Variants in ARSG observed in about 807,000 individuals in gnomAD.
The protein encoded by ARSG is ASG.
A neutral mutation model predicts 50.5 loss-of-function variants in ARSG; 37 were observed. The ratio of observed to expected loss-of-function variants is 0.73; its 90% CI spans 0.56 to 0.96. The LOEUF is 0.96. Among genes scored for constraint, ARSG ranks in the 50% least tolerant of loss-of-function variants. The probability of loss-of-function intolerance (pLI) is 0.00; values close to 1 mark genes in which losing one functional copy is unlikely to be tolerated. For missense variants in ARSG, 629 were observed against 675.3 expected, an observed-to-expected ratio of 0.93 and a Z score of 0.76; for synonymous variants, 225 against 254.6, an observed-to-expected ratio of 0.88 and a Z score of 1.11.
intron 2 of ARSG, among the ~76,000 whole-genome samples, chr17:68,312,709 C>G (rs2076913453): frequency 6.6e-6 from 1 of 152,114 alleles, no homozygotes; most frequent in Non-Finnish European, 1.5e-5. Flanking sequence ...GCTTTTCATT[C>G]TTCTTTGTTG....
At chr17:68,272,731 G>A in intron 1 of ARSG, 3 of 1,614,144 alleles carry the variant, frequency 1.9e-6, no homozygotes, top group East Asian at 4.5e-5. Flanking sequence ...TGATAGGATG[G>A]TTACAGTTGG....
chr17:68,417,924 G>A (rs1403297158), intron 11 of ARSG, among the ~76,000 whole-genome samples: 1 of 151,560 alleles, frequency 6.6e-6, no homozygotes, highest in East Asian at 1.9e-4. Context: ...TAGAGACGGG[G>A]TTTTACCATG....
intron 6 of ARSG, among the ~76,000 whole-genome samples, chr17:68,363,569 G>A (rs2079397627): frequency 6.6e-6 from 1 of 152,138 alleles, no homozygotes; most frequent in Non-Finnish European, 1.5e-5. Context: ...CCAGGTTCAA[G>A]CAATTCTCCT....
At chr17:68,304,979 G>A (rs1307776757) in intron 1 of ARSG, among the ~76,000 whole-genome samples, 2 of 152,126 alleles carry the variant, frequency 1.3e-5, no homozygotes, top group Admixed American at 1.3e-4. Flanking sequence ...TTCCAGACTG[G>A]CCTGGGCAAT....
At chr17:68,264,076 T>TC (rs759522470) in intron 1 of ARSG, among the ~76,000 whole-genome samples, 168 of 152,292 alleles carry the variant, frequency 1.1e-3, no homozygotes, top group Non-Finnish European at 1.9e-3. Flanking sequence ...TAGGCTGGTC[T>TC]CGAACTCCTG....
chr17:68,371,869 C>T (rs571852760), intron 8 of ARSG, among the ~76,000 whole-genome samples: 78 of 152,122 alleles, frequency 5.1e-4, no homozygotes, highest in African/African-American at 2.2e-4. Context: ...ATGAATAAAG[C>T]AGGTTCCAGT....
chr17:68,430,159 G>A, the ARSG span: 3 of 1,611,740 alleles, frequency 1.9e-6, no homozygotes, highest in Non-Finnish European at 1.7e-6. Context: ...TCTTCTGGTC[G>A]ACTAGGGAGT....
intron 1 of ARSG, chr17:68,270,796 AG>A: frequency 6.7e-7 from 1 of 1,500,556 alleles, no homozygotes; most frequent in South Asian, 1.3e-5. Flanking sequence ...ACAATTCACA[AG>A]GGAAAGTAGA....
downstream of ARSG, chr17:68,426,228 CATGACCTGGCGGGTGGGGAGCGGGGG>C: frequency 1.0e-6 from 1 of 984,652 alleles, no homozygotes; most frequent in Non-Finnish European, 1.5e-6. Flanking sequence ...GCTTTTATGC[CATGACCTGGCGGGTGGGGAGCGGGGG>C]CTCAAATAAA....
At chr17:68,427,111 CCT>C (rs1366309528), downstream of ARSG, 7 of 1,588,728 alleles carry the variant, frequency 4.4e-6, no homozygotes, top group Non-Finnish European at 5.2e-6. Flanking sequence ...GAGATGCTCC[CCT>C]GTTGGCCCCG....
chr17:68,319,439 A>G (rs61604601), intron 2 of ARSG, among the ~76,000 whole-genome samples: 2,536 of 152,278 alleles, frequency 0.017, 68 homozygotes, highest in African/African-American at 0.058. Flanking sequence ...TGCTGAACAA[A>G]AGGGACTTCA....
At chr17:68,345,379 C>T (rs1467961565) in intron 3 of ARSG, among the ~76,000 whole-genome samples, 5 of 152,172 alleles carry the variant, frequency 3.3e-5, no homozygotes, top group Non-Finnish European at 1.5e-5. Flanking sequence ...AGACTCAGCC[C>T]CTATGCTGCA....
chr17:68,387,471 C>T (rs2080785360), intron 9 of ARSG, among the ~76,000 whole-genome samples: 1 of 152,146 alleles, frequency 6.6e-6, no homozygotes, highest in Non-Finnish European at 1.5e-5. Flanking sequence ...TTTCAGCCAG[C>T]CAGTTTTACC....
At chr17:68,420,038 A>G in intron 11 of ARSG, 151 bp from the exon 12 acceptor site, 1 of 898,806 alleles carries the variant, frequency 1.1e-6, no homozygotes, top group Non-Finnish European at 1.7e-6. Flanking sequence ...TAGATTCTCA[A>G]GGTAATATTT....
chr17:68,352,219 G>A (rs1295175515), intron 5 of ARSG, among the ~76,000 whole-genome samples: 1 of 151,616 alleles, frequency 6.6e-6, no homozygotes. Context: ...GATTCCTTTT[G>A]AGCTTCTCCC....
chr17:68,330,205 A>G (rs1045369511), intron 2 of ARSG, among the ~76,000 whole-genome samples: 12 of 151,670 alleles, frequency 7.9e-5, no homozygotes, highest in South Asian at 2.1e-4. Context: ...GTGAGGCTCC[A>G]TCTCAAAAAA....
chr17:68,263,395 C>G (rs1162108690), intron 1 of ARSG, among the ~76,000 whole-genome samples: 1 of 152,222 alleles, frequency 6.6e-6, no homozygotes, highest in African/African-American at 2.4e-5. Context: ...GCAATGTATA[C>G]TTATAGCAGT....
intron 8 of ARSG, among the ~76,000 whole-genome samples, chr17:68,371,521 G>A (rs1285473904): frequency 6.6e-6 from 1 of 152,100 alleles, no homozygotes; most frequent in Non-Finnish European, 1.5e-5. Context: ...TCTGCTCTGG[G>A]AGAGCTTTGC....
At chr17:68,422,646 T>C (rs2082874637), downstream of ARSG, 3 of 149,458 alleles carry the variant, frequency 2.0e-5, no homozygotes. Context: ...CTAGAATCAC[T>C]TGAACCTAGG....
Sources: gnomAD v4.1 joint callset for allele counts (sites outside exome capture counted in the v4.1 genomes callset) on GRCh38, gnomAD v4.1.1 for gene constraint, MANE v1.5 for transcripts, NCBI Gene and HGNC (gene_info 2026-07-23, HGNC 2026-07-21) for gene names.